The following TMEM236 variants were observed in gnomAD, a reference collection of about 807,000 sequenced individuals.
TMEM236 encodes the protein transmembrane protein 236, also known as family with sequence similarity 23, member A.
Under a neutral mutation model 14.7 loss-of-function variants are expected in TMEM236, and 11 were observed. That is an observed-to-expected ratio of 0.75 (90% CI 0.47 to 1.24). TMEM236 has a LOEUF of 1.24. Ranked by LOEUF, TMEM236 falls within the 50% of genes most tolerant of loss-of-function variation. The pLI, the probability that TMEM236 is intolerant of heterozygous loss-of-function variation, is 0.00. For synonymous variants in TMEM236, 182 were observed against 168.6 expected, an observed-to-expected ratio of 1.08 and a Z score of -0.62; for missense variants, 464 against 427.3, an observed-to-expected ratio of 1.09 and a Z score of -0.76.
At position 17,768,085 on chromosome 10, in the gene TMEM236, G is replaced by GTTTTTTTTTTTTTTTTTTTTTTTT. The variant is rs1181734908; in HGVS notation, c.258-3224_258-3223insTTTTTTTTTTTTTTTTTTTTTTTT. 6.7e-4 allele frequency among the ~76,000 whole-genome samples: 66 copies of GTTTTTTTTTTTTTTTTTTTTTTTT among 98,822 alleles called. 16 individuals carry two copies. The highest frequency in any genetic ancestry group is 2.2e-3 in the African/African-American group (55 of 24,814). The allele number at this position is 98,822 out of a possible 152,430, so 64.8% of individuals were successfully genotyped here. On this transcript the variant is annotated intron_variant, in intron 1 of 3. Transcript: ENST00000377495. ...ACCACCACACCTCGCTAATTTTTGT[G>GTTTTTTTTTTTTTTTTTTTTTTTT]GTTTTTTTTTTTTTTTTTTTTTTGT...
At chr10:17,769,913 G>T (rs1273904617) in intron 1 of TMEM236, among the ~76,000 whole-genome samples, 1 of 152,132 alleles carries the variant, frequency 6.6e-6, no homozygotes, top group Admixed American at 6.5e-5. Context: ...GCTGTGGTCT[G>T]GGGTGTGACT....
intron 2 of TMEM236, among the ~76,000 whole-genome samples, chr10:17,774,845 G>A (rs1371446566): frequency 7.2e-6 from 1 of 138,268 alleles, no homozygotes; most frequent in African/African-American, 2.7e-5. Context: ...TGTTGCCCAG[G>A]CCAGTGCAAT....
At chr10:17,762,138 G>C (rs1029804663) in intron 1 of TMEM236, among the ~76,000 whole-genome samples, 28 of 152,190 alleles carry the variant, frequency 1.8e-4, no homozygotes, top group African/African-American at 6.0e-4. Flanking sequence ...GTCTCCAGGG[G>C]TGACTTCTCT....
Position 17,796,905 on chromosome 10 carries a change from A to T in TMEM236, c.*401A>T. 3.9e-6 allele frequency: 1 copy of T among 259,176 alleles called. No homozygotes were observed. The highest frequency in any genetic ancestry group is 7.4e-6 in the Non-Finnish European group (1 of 135,008). The allele number at this position is 259,176 out of a possible 1,614,324, so 16.1% of individuals were successfully genotyped here. ...CGCCTCCTGTCAGATCAGCAGCAGCATTAGATCCTCATAGGAGCCCAAACC... is the reference window on the plus strand; with the variant it reads ...CGCCTCCTGTCAGATCAGCAGCAGCTTTAGATCCTCATAGGAGCCCAAACC... On this transcript the variant is annotated 3_prime_UTR_variant, in exon 4 of 4. Coordinates refer to ENST00000377495, the MANE Select transcript of TMEM236 (RefSeq NM_001098844.3).
At chr10:17,779,478 A>G (rs1256559393) in intron 3 of TMEM236, among the ~76,000 whole-genome samples, 1 of 151,902 alleles carries the variant, frequency 6.6e-6, no homozygotes, top group Non-Finnish European at 1.5e-5. Flanking sequence ...CATTTAATTA[A>G]TTAGTTAATT....
rs1217697048 is a variant in TMEM236 at position 17,799,129 on chromosome 10, G to C, written c.*2625G>C. 1 of 171,766 alleles carries C rather than the reference G, an allele frequency of 5.8e-6. No individual in the cohort carries two copies. Among genetic ancestry groups the C allele is most frequent in the Non-Finnish European group, 1.3e-5 (1 of 79,372 alleles). The allele number at this position is 171,766 out of a possible 1,614,324, so 10.6% of individuals were successfully genotyped here. A position where few individuals can be genotyped will look rare whatever the true frequency, so the allele number is the denominator to read the frequency against. Reference sequence around the variant, plus strand: ...AGACATTTGAGTGTCTGTCCTCTGAGTTCCCATAGAATCTGAATTACACCA... The same window carrying C: ...AGACATTTGAGTGTCTGTCCTCTGACTTCCCATAGAATCTGAATTACACCA... On this transcript the variant is annotated 3_prime_UTR_variant, in exon 4 of 4. Transcript: ENST00000377495.
intron 3 of TMEM236, among the ~76,000 whole-genome samples, chr10:17,795,523 G>C (rs1027667474): frequency 2.3e-4 from 35 of 152,298 alleles, no homozygotes; most frequent in Non-Finnish European, 3.2e-4. Context: ...CTGAATCCAG[G>C]AAAATACCAA....
Position 17,799,824 on chromosome 10 carries a change from G to A in TMEM236, c.*3320G>A, listed in dbSNP as rs553632252. ...CTAATATTTTAATATGAATGTGCCTGATATTTTCGGAAGTCACAACACTAT... is the reference window on the plus strand; with the variant it reads ...CTAATATTTTAATATGAATGTGCCTAATATTTTCGGAAGTCACAACACTAT... On this transcript the variant is annotated 3_prime_UTR_variant, in exon 4 of 4. Transcript: ENST00000377495. 1 of 124,240 alleles carries A rather than the reference G, an allele frequency of 8.0e-6. No individual in the cohort carries two copies. Among genetic ancestry groups the A allele is most frequent in the East Asian group, 2.1e-4 (1 of 4,792 alleles). 7.7% of individuals were successfully genotyped at this position (124,240 alleles called of 1,614,324 possible).
At chr10:17,775,330 A>C (rs1344599435) in intron 2 of TMEM236, among the ~76,000 whole-genome samples, 1 of 152,170 alleles carries the variant, frequency 6.6e-6, no homozygotes, top group Non-Finnish European at 1.5e-5. Context: ...GCTAGAGTGC[A>C]GTGTCACAGT....
chr10:17,795,572 G>A (rs1837998183), intron 3 of TMEM236, among the ~76,000 whole-genome samples: 1 of 152,186 alleles, frequency 6.6e-6, no homozygotes, highest in African/African-American at 2.4e-5. Flanking sequence ...TTTTTTCAAT[G>A]TGCTACTTCA....
intron 3 of TMEM236, among the ~76,000 whole-genome samples, chr10:17,789,865 C>CAA (rs34428377): frequency 2.7e-5 from 4 of 149,934 alleles, no homozygotes; most frequent in Non-Finnish European, 4.4e-5. Flanking sequence ...ACTAAAAATA[C>CAA]AAAAAAAAAT....
intron 1 of TMEM236, among the ~76,000 whole-genome samples, chr10:17,767,913 C>CTTT (rs878872584): frequency 2.5e-4 from 35 of 140,462 alleles, no homozygotes; most frequent in South Asian, 4.5e-4. Context: ...TACTCCCCAT[C>CTTT]TTTTTTTTTT....
chr10:17,769,804 A>C (rs1781849711), intron 1 of TMEM236, among the ~76,000 whole-genome samples: 1 of 152,168 alleles, frequency 6.6e-6, no homozygotes, highest in Non-Finnish European at 1.5e-5. Flanking sequence ...AGCGCCAAAG[A>C]GAAATTGTTC....
intron 1 of TMEM236, among the ~76,000 whole-genome samples, chr10:17,753,319 G>A (rs1246549667): frequency 6.6e-6 from 1 of 152,176 alleles, no homozygotes; most frequent in Admixed American, 6.6e-5. Context: ...GTGTCATGGG[G>A]ATTTGTCGTA....
At chr10:17,793,579 G>A (rs1837962530) in intron 3 of TMEM236, among the ~76,000 whole-genome samples, 3 of 152,136 alleles carry the variant, frequency 2.0e-5, no homozygotes, top group Non-Finnish European at 4.4e-5. Context: ...CTCCTACCGG[G>A]TTCAAGCAAT....
chr10:17,793,095 C>T (rs1038655200), intron 3 of TMEM236, among the ~76,000 whole-genome samples: 16 of 152,194 alleles, frequency 1.1e-4, no homozygotes, highest in Non-Finnish European at 1.9e-4. Context: ...AGTCCCTGTA[C>T]CCCCTAATTT....
At chr10:17,788,892 A>G (rs1273931081) in intron 3 of TMEM236, among the ~76,000 whole-genome samples, 1 of 152,200 alleles carries the variant, frequency 6.6e-6, no homozygotes, top group Admixed American at 6.5e-5. Flanking sequence ...TTTGTCTTGA[A>G]TTCATTATTA....
At position 17,798,686 on chromosome 10, in the gene TMEM236, C is replaced by T. The variant is rs1453062056; in HGVS notation, c.*2182C>T. ...CTCACAGTTGTTAAAAGCTTGCCTT[C>T]CAGCTTTCTAATTTGAGGTAGGTTC... is the stretch of plus-strand genomic sequence containing the variant. On this transcript the variant is annotated 3_prime_UTR_variant, in exon 4 of 4. Transcript: ENST00000377495. 34 of 534,392 alleles carry T rather than the reference C, an allele frequency of 6.4e-5. No individual in the cohort carries two copies. The highest frequency in any genetic ancestry group is 1.2e-4 in the Non-Finnish European group (30 of 259,924). 33.1% of individuals were successfully genotyped at this position (534,392 alleles called of 1,614,324 possible).
chr10:17,791,896 A>G (rs1837931353), intron 3 of TMEM236, among the ~76,000 whole-genome samples: 1 of 152,182 alleles, frequency 6.6e-6, no homozygotes, highest in Non-Finnish European at 1.5e-5. Flanking sequence ...TCATGAAGCT[A>G]TGAGCTACTT....
Sources: gnomAD v4.1 joint callset for allele counts (sites outside exome capture counted in the v4.1 genomes callset) on GRCh38, gnomAD v4.1.1 for gene constraint, MANE v1.5 for transcripts, NCBI Gene and HGNC (gene_info 2026-07-23, HGNC 2026-07-21) for gene names.